The following ACTR10 variants were observed in gnomAD, a reference collection of about 807,000 sequenced individuals.
ACTR10 encodes the protein actin-related protein 10.
In ACTR10, 43 loss-of-function variants were observed where a neutral mutation model predicts 56.2. That is an observed-to-expected ratio of 0.77 (90% CI 0.60 to 0.99). The LOEUF (loss-of-function observed/expected upper bound fraction) is 0.99. Ranked by LOEUF, ACTR10 falls within the 50% of genes least tolerant of loss-of-function variation. The pLI is 0.00. For synonymous variants in ACTR10, 170 were observed against 176.3 expected (o/e 0.96, Z 0.28); for missense variants, 466 against 507.8 (o/e 0.92, Z 0.79).
At chr14:58,213,827 A>T in intron 6 of ACTR10, 129 bp downstream of exon 6, 1 of 630,882 alleles carries the variant, frequency 1.6e-6, no homozygotes, top group Non-Finnish European at 2.6e-6. Flanking sequence ...TCCGCCCTCT[A>T]TTAGCTTCGA....
At chr14:58,212,230 T>G (rs914480899) in intron 5 of ACTR10, among the ~76,000 whole-genome samples, 2 of 152,182 alleles carry the variant, frequency 1.3e-5, no homozygotes, top group African/African-American at 4.8e-5. Context: ...AGCATAGGAT[T>G]TGGCACATAG....
In ACTR10 at chr14:58,234,352, A is replaced by G. The variant is rs1296133187; in HGVS notation, c.1073-18A>G. 1.3e-6 allele frequency: 2 copies of G among 1,527,240 alleles called. No individual in the cohort carries two copies. 94.6% of individuals were successfully genotyped at this position (1,527,240 alleles called of 1,614,324 possible). A position where few individuals can be genotyped will look rare whatever the true frequency, so the allele number is the denominator to read the frequency against. ...AAAAGTTTTCATCTTAGCTATAAAAAATATTTTTGTCACACAGGGGCTATT... is the reference window on the plus strand; with the variant it reads ...AAAAGTTTTCATCTTAGCTATAAAAGATATTTTTGTCACACAGGGGCTATT... On this transcript the variant is annotated intron_variant, in intron 12 of 12. Transcript: ENST00000254286.
At chr14:58,204,030 A>G (rs546303839) in intron 2 of ACTR10, among the ~76,000 whole-genome samples, 1 of 152,218 alleles carries the variant, frequency 6.6e-6, no homozygotes, top group South Asian at 2.1e-4. Flanking sequence ...GCCTCCACAA[A>G]ATTTAAATAG....
intron 10 of ACTR10, among the ~76,000 whole-genome samples, chr14:58,226,292 T>G (rs1387020177): frequency 6.6e-6 from 1 of 151,806 alleles, no homozygotes; most frequent in Non-Finnish European, 1.5e-5. Flanking sequence ...AAAAAATTTT[T>G]TTGTAGAGAT....
chr14:58,218,531 C>T (rs1487537968), intron 7 of ACTR10, among the ~76,000 whole-genome samples: 1 of 151,936 alleles, frequency 6.6e-6, no homozygotes, highest in African/African-American at 2.4e-5. Flanking sequence ...CTTATACTTA[C>T]TAAAGATAAA....
Position 58,234,476 on chromosome 14 carries a change from A to C in ACTR10, c.1179A>C (p.Pro393=). Residue 393 remains proline (P), a synonymous_variant, in exon 13 of 13, where the codon CCA becomes CCC. Coordinates refer to ENST00000254286, the MANE Select transcript of ACTR10 (RefSeq NM_018477.3). ...CTGATTGGTGTTCTCTCAATAACCC[A>C]CCTTTGGAAATGATGTTTGATGTCG... ...RIPDWCSLNN[P]PLEMMFDVGK... 6.2e-7 allele frequency: 1 copy of C among 1,613,668 alleles called. No individual in the cohort carries two copies. Among genetic ancestry groups the C allele is most frequent in the Non-Finnish European group, 8.5e-7 (1 of 1,179,742 alleles).
chr14:58,207,363 T>G (rs1594804241), intron 2 of ACTR10, among the ~76,000 whole-genome samples: 1 of 151,570 alleles, frequency 6.6e-6, no homozygotes, highest in East Asian at 1.9e-4. Flanking sequence ...TCTGGTTCTG[T>G]TGCCCAGGCT....
intron 10 of ACTR10, among the ~76,000 whole-genome samples, chr14:58,226,864 T>C (rs1664768478): frequency 6.6e-6 from 1 of 152,192 alleles, no homozygotes; most frequent in African/African-American, 2.4e-5. Context: ...CCTCCCAAAG[T>C]GCTGGGATTA....
chr14:58,226,971 TTGGTTGG>T (rs1403389891), intron 10 of ACTR10, among the ~76,000 whole-genome samples: 1 of 152,072 alleles, frequency 6.6e-6, no homozygotes, highest in Non-Finnish European at 1.5e-5. Flanking sequence ...TGACCAGTAG[TTGGTTGG>T]TGAAGCAAAA....
chr14:58,212,329 C>A (rs1361660192), intron 5 of ACTR10, among the ~76,000 whole-genome samples: 1 of 152,208 alleles, frequency 6.6e-6, no homozygotes, highest in African/African-American at 2.4e-5. Flanking sequence ...AATTGAATTA[C>A]TGACCGTATA....
intron 5 of ACTR10, 152 bp downstream of exon 5, chr14:58,211,551 A>C (rs6573192): frequency 1.8e-6 from 1 of 542,550 alleles, no homozygotes; most frequent in Non-Finnish European, 3.3e-6. Flanking sequence ...TCACAGGATT[A>C]TAAGACTTAA....
intron 4 of ACTR10, among the ~76,000 whole-genome samples, chr14:58,210,215 A>C (rs2140047045): frequency 1.3e-5 from 2 of 152,300 alleles, no homozygotes; most frequent in Middle Eastern, 3.4e-3. Context: ...GGACTGTCAT[A>C]TTTTGATTGA....
intron 2 of ACTR10, 112 bp downstream of exon 2, chr14:58,203,039 C>T (rs1007026607): frequency 2.5e-5 from 17 of 672,418 alleles, no homozygotes; most frequent in Non-Finnish European, 4.1e-5. Flanking sequence ...TGGTGGCTCA[C>T]GCCTGTAATC....
intron 6 of ACTR10, among the ~76,000 whole-genome samples, chr14:58,214,412 T>C (rs1318805605): frequency 6.6e-6 from 1 of 152,092 alleles, no homozygotes; most frequent in African/African-American, 2.4e-5. Flanking sequence ...TCTTTTTTTT[T>C]TTAACTTTTA....
chr14:58,234,454 A>C lies in ACTR10; in HGVS notation c.1157A>C (p.Asp386Ala). 6.2e-7 allele frequency: 1 copy of C among 1,613,680 alleles called. No homozygotes were observed. The highest frequency in any genetic ancestry group is 8.5e-7 in the Non-Finnish European group (1 of 1,179,792). ...EYYNQTGRIP[D>A]WCSLNNPPLE... is the part of the protein sequence containing the mutation. Reference sequence around the variant, plus strand: ...TATAATCAGACGGGCCGTATACCTGATTGGTGTTCTCTCAATAACCCACCT... The same window carrying C: ...TATAATCAGACGGGCCGTATACCTGCTTGGTGTTCTCTCAATAACCCACCT... The change falls in exon 13 of 13, where the codon GAT (aspartate) becomes GCT (alanine). Residue 386 changes from aspartate (D) to alanine (A), a missense_variant. Asp to Ala is a moderately radical substitution (Grantham distance 126). Transcript: ENST00000254286.
chr14:58,206,555 C>A (rs1888868582), intron 2 of ACTR10, among the ~76,000 whole-genome samples: 1 of 152,050 alleles, frequency 6.6e-6, no homozygotes, highest in African/African-American at 2.4e-5. Context: ...GGTTTGGAAT[C>A]TTCTTTAAGC....
Position 58,200,213 on chromosome 14 carries a change from C to T in ACTR10, c.-5C>T, listed in dbSNP as rs375794354. On this transcript the variant is annotated 5_prime_UTR_variant, in exon 1 of 13. Transcript: ENST00000254286. ...GACCCTCTTCTCTCAGTCTGCCTTA[C>T]TACCATGCCGCTCTACGAGGGCCTG... The T allele has an allele frequency of 2.5e-5, 38 of 1,531,882 alleles. No homozygotes were observed. Among genetic ancestry groups the T allele is most frequent in the Non-Finnish European group, 3.2e-5 (37 of 1,140,094 alleles). 94.9% of individuals were successfully genotyped at this position (1,531,882 alleles called of 1,614,324 possible).
chr14:58,230,504 C>G (rs543714100), intron 11 of ACTR10, 24 bp downstream of exon 11: 2 of 1,239,664 alleles, frequency 1.6e-6, no homozygotes, highest in East Asian at 2.6e-5. Flanking sequence ...TCAAAAAATT[C>G]CCTTTATTAC....
rs1889336689 is a variant in ACTR10 at position 58,223,791 on chromosome 14, C to T, written c.723C>T (p.Ser241=). 1 of 1,612,834 alleles carries T rather than the reference C, an allele frequency of 6.2e-7. No individual in the cohort carries two copies. The highest frequency in any genetic ancestry group is 1.1e-5 in the South Asian group (1 of 91,006). Residue 241 remains serine (S), a synonymous_variant, in exon 10 of 13, where the codon TCC becomes TCT. Coordinates refer to ENST00000254286, the MANE Select transcript of ACTR10 (RefSeq NM_018477.3). ...TGATATTTATATTTCAGCGTCCCTCCCCACCCCCAAATGTTGACTATCCAT... is the reference window on the plus strand; with the variant it reads ...TGATATTTATATTTCAGCGTCCCTCTCCACCCCCAAATGTTGACTATCCAT... ...FNIDGNNERP[S]PPPNVDYPLD...
Sources: gnomAD v4.1 joint callset for allele counts (sites outside exome capture counted in the v4.1 genomes callset) on GRCh38, gnomAD v4.1.1 for gene constraint, MANE v1.5 for transcripts, NCBI Gene and HGNC (gene_info 2026-07-23, HGNC 2026-07-21) for gene names.